The following GABRB3 variants were observed in gnomAD, a reference collection of about 807,000 sequenced individuals.
GABRB3 encodes gamma-aminobutyric acid type A receptor subunit beta3.
In GABRB3, 14 loss-of-function variants were observed where a neutral mutation model predicts 52.1. That is an observed-to-expected ratio of 0.27 (90% confidence interval 0.18 to 0.42). The LOEUF (loss-of-function observed/expected upper bound fraction) is 0.42, where lower values mean the gene tolerates loss of function less well. Ranked by LOEUF, GABRB3 falls within the 10% of genes least tolerant of loss-of-function variation. The pLI is 1.00. For synonymous variants in GABRB3, 260 were observed against 232.3 expected, an observed-to-expected ratio of 1.12 and a Z score of -1.08; for missense variants, 307 against 609.1, an observed-to-expected ratio of 0.50 and a Z score of 5.22.
chr15:26,550,808 C>A (rs192548424), intron 8 of GABRB3, among the ~76,000 whole-genome samples: 1 of 152,160 alleles, frequency 6.6e-6, no homozygotes, highest in East Asian at 1.9e-4. Flanking sequence ...TGTACCTGCA[C>A]GTGTGGCCTA....
intron 3 of GABRB3, among the ~76,000 whole-genome samples, chr15:26,757,510 T>C (rs1454087297): frequency 1.3e-5 from 2 of 152,050 alleles, no homozygotes; most frequent in African/African-American, 4.8e-5. Context: ...AAGTGGAAAA[T>C]CCCAAACTAT....
intron 3 of GABRB3, among the ~76,000 whole-genome samples, chr15:26,651,892 C>T (rs1887207937): frequency 6.6e-6 from 1 of 152,198 alleles, no homozygotes; most frequent in South Asian, 2.1e-4. Context: ...ATATCCCCCA[C>T]AAAGCCACCT....
At chr15:26,655,603 G>A (rs1348008463) in intron 3 of GABRB3, among the ~76,000 whole-genome samples, 5 of 152,116 alleles carry the variant, frequency 3.3e-5, no homozygotes, top group African/African-American at 7.2e-5. Flanking sequence ...TTAGCCAGGC[G>A]TGGTGGCGGG....
chr15:26,587,130 G>A (rs1457215983), intron 4 of GABRB3, among the ~76,000 whole-genome samples: 1 of 151,986 alleles, frequency 6.6e-6, no homozygotes, highest in South Asian at 2.1e-4. Flanking sequence ...TTCATAAATC[G>A]TAACATCATT....
intron 3 of GABRB3, among the ~76,000 whole-genome samples, chr15:26,720,822 T>C (rs1370324307): frequency 6.6e-6 from 1 of 152,222 alleles, no homozygotes; most frequent in African/African-American, 2.4e-5. Context: ...AACACCTTAC[T>C]TCTGCAACAT....
intron 3 of GABRB3, among the ~76,000 whole-genome samples, chr15:26,731,462 G>C (rs1230282352): frequency 6.6e-6 from 1 of 152,186 alleles, no homozygotes; most frequent in East Asian, 1.9e-4. Flanking sequence ...ATACAGAGGA[G>C]GTTGCACCTC....
intron 4 of GABRB3, among the ~76,000 whole-genome samples, chr15:26,591,901 G>A (rs1891220424): frequency 6.6e-6 from 1 of 152,186 alleles, no homozygotes; most frequent in African/African-American, 2.4e-5. Context: ...CACATATCAA[G>A]TGCTCAACAG....
At chr15:26,640,240 G>T (rs556182314) in intron 3 of GABRB3, among the ~76,000 whole-genome samples, 1 of 152,120 alleles carries the variant, frequency 6.6e-6, no homozygotes, top group Non-Finnish European at 1.5e-5. Context: ...AACGTTGGCC[G>T]GGCGCGGTGG....
At chr15:26,694,075 A>G (rs553581234) in intron 3 of GABRB3, among the ~76,000 whole-genome samples, 15 of 152,132 alleles carry the variant, frequency 9.9e-5, no homozygotes, top group Non-Finnish European at 2.1e-4. Context: ...ATAGTAACAT[A>G]TGTAACAGCC....
chr15:26,577,699 A>G (rs1890643163), intron 6 of GABRB3, among the ~76,000 whole-genome samples: 3 of 152,258 alleles, frequency 2.0e-5, no homozygotes, highest in Admixed American at 2.0e-4. Context: ...ACAGGGTCCC[A>G]TAAGATTATA....
intron 4 of GABRB3, among the ~76,000 whole-genome samples, chr15:26,586,431 C>T (rs1226622835): frequency 1.3e-5 from 2 of 151,838 alleles, no homozygotes; most frequent in Non-Finnish European, 2.9e-5. Context: ...CACACGCATA[C>T]ATACACATAA....
At chr15:26,727,769 A>T (rs1305518620) in intron 3 of GABRB3, among the ~76,000 whole-genome samples, 1 of 152,162 alleles carries the variant, frequency 6.6e-6, no homozygotes, top group African/African-American at 2.4e-5. Flanking sequence ...TCATGACCTC[A>T]TGTGTTCATA....
chr15:26,560,837 A>G lies in GABRB3; in HGVS notation c.1080+95T>C, dbSNP rs983712350. The G allele has an allele frequency of 3.2e-6, 5 of 1,546,378 alleles. No individual in the cohort carries two copies. In the African/African-American group the frequency reaches 6.8e-5, roughly 21 times the overall value. ...AAGAAGGGTGTGTGGCTTGACATAC[A>G]CTACTGGGGAAAAAACAAAGAAATA... On this transcript the variant is annotated intron_variant, in intron 8 of 8. Transcript: ENST00000311550.
chr15:26,725,920 A>G (rs1224639280), intron 3 of GABRB3, among the ~76,000 whole-genome samples: 1 of 152,250 alleles, frequency 6.6e-6, no homozygotes, highest in African/African-American at 2.4e-5. Context: ...GTGGTTGTTC[A>G]GCATCACCAC....
intron 3 of GABRB3, among the ~76,000 whole-genome samples, chr15:26,767,905 GTGA>G (rs1405771293): frequency 1.3e-5 from 2 of 152,176 alleles, no homozygotes; most frequent in African/African-American, 4.8e-5. Context: ...GTGTGTGTGT[GTGA>G]TTTTTGTACA....
chr15:26,667,407 C>T (rs1413497695), intron 3 of GABRB3, among the ~76,000 whole-genome samples: 1 of 152,126 alleles, frequency 6.6e-6, no homozygotes, highest in Admixed American at 6.5e-5. Context: ...ATGCGGCCAC[C>T]GGATGGAGTG....
rs898445649 is a variant in GABRB3 at position 26,689,493 on chromosome 15, G to A, written c.241-67959C>T. On this transcript the variant is annotated intron_variant, in intron 3 of 8. Coordinates refer to ENST00000311550, the MANE Select transcript of GABRB3 (RefSeq NM_000814.6). ...GTAAACATGTTTATTAAGCTATGAG[G>A]AGTCACGAATATTTATGCAAGGAGA... is the stretch of plus-strand genomic sequence containing the variant. Among the ~76,000 whole-genome samples the A allele has an allele frequency of 5.3e-4, 80 of 152,104 alleles. 1 individual carries two copies. Among genetic ancestry groups the A allele is most frequent in the African/African-American group, 1.7e-3 (71 of 41,510 alleles).
At chr15:26,769,370 C>T (rs1177259061) in intron 3 of GABRB3, among the ~76,000 whole-genome samples, 1 of 152,170 alleles carries the variant, frequency 6.6e-6, no homozygotes, top group Non-Finnish European at 1.5e-5. Flanking sequence ...ATCGCTAATC[C>T]TCTATCTAAA....
chr15:26,566,516 A>G (rs1890180292), intron 7 of GABRB3, among the ~76,000 whole-genome samples: 1 of 152,170 alleles, frequency 6.6e-6, no homozygotes, highest in African/African-American at 2.4e-5. Context: ...GCTTGAGGCC[A>G]AGAGTTCAAG....
Sources: allele counts gnomAD v4.1 joint callset (sites outside exome capture counted in the v4.1 genomes callset), GRCh38; gene constraint gnomAD v4.1.1; transcripts MANE v1.5; gene names NCBI Gene and HGNC (gene_info 2026-07-23, HGNC 2026-07-21).